Variants in MKNK1 observed in about 807,000 individuals in gnomAD.
The protein encoded by MKNK1 is MAPK interacting serine/threonine kinase 1.
A neutral mutation model predicts 49.3 loss-of-function variants in MKNK1; 30 were observed. The ratio of observed to expected loss-of-function variants is 0.61; its 90% CI spans 0.46 to 0.83. The LOEUF is 0.83. Among genes scored for constraint, MKNK1 ranks in the 40% least tolerant of loss-of-function variants. MKNK1 has a pLI of 0.00. For missense variants in MKNK1, 423 were observed against 524.7 expected, an observed-to-expected ratio of 0.81 and a Z score of 1.89; for synonymous variants, 176 against 201.7, an observed-to-expected ratio of 0.87 and a Z score of 1.08.
intron 2 of MKNK1, among the ~76,000 whole-genome samples, chr1:46,586,601 G>A (rs1263995970): frequency 2.6e-5 from 4 of 152,116 alleles, no homozygotes; most frequent in Non-Finnish European, 5.9e-5. Context: ...GATATGAAAT[G>A]ACATGCATAC....
chr1:46,563,811 C>T (rs749129828), intron 9 of MKNK1, among the ~76,000 whole-genome samples: 3 of 151,384 alleles, frequency 2.0e-5, no homozygotes, highest in African/African-American at 4.9e-5. Flanking sequence ...TTTGGGAGGC[C>T]GAGGCGGGTG....
chr1:46,564,234 C>A (rs533507926), intron 9 of MKNK1, among the ~76,000 whole-genome samples: 23 of 151,828 alleles, frequency 1.5e-4, no homozygotes, highest in African/African-American at 5.3e-4. Context: ...CCAAGCGATC[C>A]CATGTGCATA....
chr1:46,580,803 TCAA>T (rs200063963), intron 3 of MKNK1, among the ~76,000 whole-genome samples, 176 bp from the exon 4 acceptor site: 4,217 of 152,210 alleles, frequency 0.028, 72 homozygotes, highest in Middle Eastern at 0.044. Flanking sequence ...ACCCAGTTTC[TCAA>T]CAACAAGACC....
intron 12 of MKNK1, chr1:46,559,586 C>T (rs1557817770): frequency 1.9e-5 from 3 of 153,864 alleles, no homozygotes; most frequent in Non-Finnish European, 2.9e-5. Flanking sequence ...TTAAATTCAT[C>T]GTGAAGATTA....
In MKNK1 at chr1:46,580,584, A is replaced by G. The variant is rs368379118; in HGVS notation, c.144T>C (p.Tyr48=). 8 of 1,614,154 alleles carry G rather than the reference A, an allele frequency of 5.0e-6. No homozygotes were observed. Among genetic ancestry groups the G allele is most frequent in the Non-Finnish European group, 5.9e-6 (7 of 1,179,990 alleles). The part of the protein sequence containing the change: ...LTSELLGEGA[Y]AKVQGAVSLQ... ...GGCTCACGGCACCTTGAACTTTGGC[A>G]TAGGCTCCCTCTCCAAGCAATTCAG... is the stretch of plus-strand genomic sequence containing the variant. The change falls in exon 4 of 13, where the codon TAT becomes TAC. Residue 48 remains tyrosine, a synonymous_variant. Transcript: ENST00000371945.
intron 9 of MKNK1, among the ~76,000 whole-genome samples, chr1:46,564,586 C>G (rs1297152557): frequency 7.0e-6 from 1 of 142,264 alleles, no homozygotes; most frequent in Non-Finnish European, 1.5e-5. Flanking sequence ...AAGCGATTCT[C>G]CTGCCTCAGC....
At chr1:46,584,339 A>G (rs1672187084) in intron 2 of MKNK1, among the ~76,000 whole-genome samples, 1 of 152,140 alleles carries the variant, frequency 6.6e-6, no homozygotes, top group Non-Finnish European at 1.5e-5. Flanking sequence ...AAATAATAAG[A>G]TTTCTCCGAA....
chr1:46,585,543 C>T (rs552918993), intron 2 of MKNK1: 9 of 276,462 alleles, frequency 3.3e-5, no homozygotes, highest in Middle Eastern at 1.4e-3. Context: ...ATTTTCTCAT[C>T]GGCACCGCAG....
chr1:46,572,329 C>T, intron 6 of MKNK1, 162 bp from the exon 7 acceptor site: 1 of 518,850 alleles, frequency 1.9e-6, no homozygotes, highest in Non-Finnish European at 3.5e-6. Flanking sequence ...TCTCCTGTCT[C>T]AGCCTCCTGA....
chr1:46,576,354 T>A, intron 5 of MKNK1: 1 of 495,892 alleles, frequency 2.0e-6, no homozygotes, highest in South Asian at 2.3e-5. Context: ...CTTGCTTGAA[T>A]TGATGATATT....
chr1:46,583,362 C>T lies in MKNK1; in HGVS notation c.-2-33G>A, dbSNP rs778052692. 2.6e-6 allele frequency: 4 copies of T among 1,514,178 alleles called. No homozygotes were observed. In the South Asian group the frequency reaches 4.6e-5, roughly 17 times the overall value. The allele number at this position is 1,514,178 out of a possible 1,614,324, so 93.8% of individuals were successfully genotyped here. A position where few individuals can be genotyped will look rare whatever the true frequency, so the allele number is the denominator to read the frequency against. ...ATAAGAGGAGATGTAAGGGAAACAT[C>T]ACTGTACTGATCAAGCTGTAAATTT... On this transcript the variant is annotated intron_variant, in intron 2 of 12. Transcript: ENST00000371945.
rs745742750 is a variant in MKNK1 at position 46,562,820 on chromosome 1, G to C, written c.633C>G (p.Ala211=). 9.9e-6 allele frequency: 16 copies of C among 1,612,324 alleles called. No homozygotes were observed. In the Middle Eastern group the frequency reaches 9.9e-4, roughly 100 times the overall value. Residue 211 remains alanine, a synonymous_variant, in exon 10 of 13, where the codon GCC becomes GCG. Transcript: ENST00000371945. ...CCGTGAAGACCTCCACTACCTCAGG[G>C]GCCATGTATTCTGCAGAGCCACACT... The part of the protein sequence containing the change: ...TTPCGSAEYM[A]PEVVEVFTDQ...
At chr1:46,569,051 A>T (rs992066373) in intron 7 of MKNK1, 1 of 152,470 alleles carries the variant, frequency 6.6e-6, no homozygotes, top group African/African-American at 2.4e-5. Flanking sequence ...CAGCCCTGCC[A>T]GCAGCAGAGC....
At position 46,572,078 on chromosome 1, in the gene MKNK1, A is replaced by G. The variant is rs767553454; in HGVS notation, c.442T>C (p.Phe148Leu). The G allele has an allele frequency of 6.2e-7, 1 of 1,614,090 alleles. No homozygotes were observed. The highest frequency in any genetic ancestry group is 8.5e-7 in the Non-Finnish European group (1 of 1,179,962). Residue 148 changes from phenylalanine to leucine, a missense_variant, in exon 7 of 13, where the codon TTC becomes CTC. Phe to Leu is a conservative substitution (Grantham distance 22, BLOSUM62 0). Transcript: ENST00000371945. ...VVRDVAAALD[F>L]LHTKGIAHRD... Reference sequence around the variant, plus strand: ...CTGGGTTCACCTTTGGTATGCAGGAAGTCAAGGGCAGCAGCAACGTCCCGC... The same window carrying G: ...CTGGGTTCACCTTTGGTATGCAGGAGGTCAAGGGCAGCAGCAACGTCCCGC...
intron 3 of MKNK1, among the ~76,000 whole-genome samples, chr1:46,582,199 A>T (rs1671849619): frequency 6.6e-6 from 1 of 151,922 alleles, no homozygotes; most frequent in Admixed American, 6.6e-5. Flanking sequence ...ACACACACAG[A>T]CACACACACA....
chr1:46,584,922 A>G (rs1412776273), intron 2 of MKNK1: 2 of 152,116 alleles, frequency 1.3e-5, no homozygotes, highest in African/African-American at 2.4e-5. Context: ...AACACAAGAT[A>G]TATCTGGGGA....
rs148747649 is a variant in MKNK1, at chr1:46,564,892, G to C, written c.609+149C>G. 1.4e-4 allele frequency: 107 copies of C among 768,558 alleles called. No homozygotes were observed. The African/African-American group carries it at 1.7e-3, about 13-fold the overall frequency. The allele number at this position is 768,558 out of a possible 1,614,324, so 47.6% of individuals were successfully genotyped here. On this transcript the variant is annotated intron_variant, in intron 9 of 12. Coordinates refer to ENST00000371945, the MANE Select transcript of MKNK1 (RefSeq NM_001135553.4). ...GGGTCAGGGGAGGCTTGAGAGCCAC[G>C]AACACAGAGCAGCAAGCAAAATGAT... is the stretch of plus-strand genomic sequence containing the variant.
rs376776406 is a variant in MKNK1, at chr1:46,573,429, C to T, written c.353-1262G>A. Among the ~76,000 whole-genome samples the T allele has an allele frequency of 5.3e-5, 8 of 152,340 alleles. No individual in the cohort carries two copies. In the East Asian group the frequency reaches 1.3e-3, roughly 26 times the overall value. ...GTGCAGGGGCAGACACAGGCAGGAA[C>T]ATGTGGCTTGGCTTCATGTGGTTTA... On this transcript the variant is annotated intron_variant, in intron 6 of 12. Transcript: ENST00000371945.
intron 1 of MKNK1, among the ~76,000 whole-genome samples, chr1:46,600,764 C>T (rs1453576124): frequency 3.3e-5 from 5 of 152,200 alleles, no homozygotes; most frequent in African/African-American, 1.2e-4. Flanking sequence ...CAAGCTATAA[C>T]ACAGAGTTAA....
Sources: allele counts gnomAD v4.1 joint callset (sites outside exome capture counted in the v4.1 genomes callset), GRCh38; gene constraint gnomAD v4.1.1; transcripts MANE v1.5; gene names NCBI Gene and HGNC (gene_info 2026-07-23, HGNC 2026-07-21).